Variants in UGT1A6 observed in about 807,000 individuals in gnomAD.
UGT1A6 encodes UDP-glucuronosyltransferase 1A6.
A neutral mutation model predicts 44.4 loss-of-function variants in UGT1A6; 32 were observed. That is an observed-to-expected ratio of 0.72 (90% CI 0.54 to 0.97). The LOEUF (loss-of-function observed/expected upper bound fraction) is 0.97. Ranked by LOEUF, UGT1A6 falls within the 50% of genes least tolerant of loss-of-function variation. The pLI is 0.00. For synonymous variants in UGT1A6, 238 were observed against 248.5 expected (o/e 0.96, Z 0.40); for missense variants, 685 against 661.9 (o/e 1.03, Z -0.38).
intron 1 of UGT1A6, chr2:233,742,641 A>G (rs1692051746): frequency 1.3e-5 from 2 of 152,170 alleles, no homozygotes. Flanking sequence ...GTCCTAGTAT[A>G]CCACCGACCA....
In UGT1A6 at chr2:233,768,412, C is replaced by T. The variant is rs756044146; in HGVS notation, c.1274C>T (p.Ala425Val). The change falls in exon 4 of 5, where the codon GCT becomes GTT. Residue 425 changes from alanine to valine, a missense_variant. By Grantham distance (64) the Ala-to-Val change is moderately conservative. Transcript: ENST00000305139. The stretch of plus-strand genomic sequence containing the variant: ...ATGACTTCTGAAGATTTAGAAAATG[C>T]TCTAAAAGCAGTCATCAATGACAAA... ...LEMTSEDLEN[A>V]LKAVINDKSY... 8.1e-6 allele frequency: 13 copies of T among 1,614,062 alleles called. No homozygotes were observed. Among genetic ancestry groups the T allele is most frequent in the Non-Finnish European group, 1.1e-5 (13 of 1,180,014 alleles).
chr2:233,758,803 T>C (rs554075465), intron 1 of UGT1A6, among the ~76,000 whole-genome samples: 1 of 152,342 alleles, frequency 6.6e-6, no homozygotes, highest in Admixed American at 6.5e-5. Context: ...TGGAATTGTA[T>C]AGTACAGCAG....
intron 1 of UGT1A6, chr2:233,730,107 G>T: frequency 1.3e-6 from 2 of 1,570,872 alleles, no homozygotes; most frequent in Non-Finnish European, 1.7e-6. Flanking sequence ...TTTCATTTCT[G>T]CTTCTCCTTG....
Position 233,714,266 on chromosome 2 carries a change from G to T in UGT1A6, c.861+20401G>T, listed in dbSNP as rs374255632. On this transcript the variant is annotated intron_variant, in intron 1 of 4. Transcript: ENST00000305139. Reference sequence around the variant, plus strand: ...GAGGAAGGAATAGAAATTTACAATTGTTGACGTGACAATTTTTAGTGGTCC... The same window carrying T: ...GAGGAAGGAATAGAAATTTACAATTTTTGACGTGACAATTTTTAGTGGTCC... Among the ~76,000 whole-genome samples the T allele has an allele frequency of 7.9e-5, 12 of 152,326 alleles. No homozygotes were observed. In the East Asian group the frequency reaches 2.3e-3, roughly 29 times the overall value.
At chr2:233,757,778 T>A (rs1328848691) in intron 1 of UGT1A6, among the ~76,000 whole-genome samples, 1 of 151,774 alleles carries the variant, frequency 6.6e-6, no homozygotes, top group African/African-American at 2.4e-5. Flanking sequence ...AATAAGCCTG[T>A]CATTCTGATT....
rs45531144 is a variant in UGT1A6 at position 233,694,707 on chromosome 2, C to T, written c.861+842C>T. 5.7e-3 allele frequency among the ~76,000 whole-genome samples: 869 copies of T among 152,246 alleles called. 43 individuals are homozygous for T. In the East Asian group the frequency reaches 0.11, roughly 19 times the overall value. ...CAAAGACCCTTACCTCTCTTCTTTA[C>T]ACCTGCTGATTTCTCTGTTAACAAT... On this transcript the variant is annotated intron_variant, in intron 1 of 4. Coordinates refer to ENST00000305139, the MANE Select transcript of UGT1A6 (RefSeq NM_001072.4).
rs1285354199 is a variant in UGT1A6 at position 233,768,247 on chromosome 2, C to T, written c.1109C>T (p.Thr370Ile). The part of the protein sequence containing the change: ...LGHPMTRAFI[T>I]HAGSHGVYES... ...CACCCGATGACCCGTGCCTTTATCA[C>T]CCATGCTGGTTCCCATGGTGTTTAT... Residue 370 changes from threonine to isoleucine, a missense_variant, in exon 4 of 5, where the codon ACC (threonine) becomes ATC (isoleucine). By Grantham distance (89) the Thr-to-Ile change is moderately conservative (BLOSUM62 -1). Coordinates refer to ENST00000305139, the MANE Select transcript of UGT1A6 (RefSeq NM_001072.4). 4 of 1,614,056 alleles carry T rather than the reference C, an allele frequency of 2.5e-6. No individual in the cohort carries two copies. Among genetic ancestry groups the T allele is most frequent in the Non-Finnish European group, 3.4e-6 (4 of 1,180,046 alleles).
intron 1 of UGT1A6, among the ~76,000 whole-genome samples, chr2:233,757,561 T>C (rs1218840720): frequency 8.3e-6 from 1 of 121,180 alleles, no homozygotes; most frequent in Non-Finnish European, 1.7e-5. Context: ...TATATATATA[T>C]GTATATATGA....
chr2:233,697,616 G>A (rs1238627433), intron 1 of UGT1A6, among the ~76,000 whole-genome samples: 1 of 149,658 alleles, frequency 6.7e-6, no homozygotes, highest in African/African-American at 2.5e-5. Context: ...TACAAAGTTT[G>A]AGTTTGGTTT....
intron 1 of UGT1A6, chr2:233,743,973 G>C (rs1575662575): frequency 7.6e-7 from 1 of 1,312,160 alleles, no homozygotes; most frequent in East Asian, 4.7e-5. Flanking sequence ...AAGGCTGCCA[G>C]CACCCAGGCG....
chr2:233,743,440 G>C (rs192671736), intron 1 of UGT1A6: 1 of 1,361,822 alleles, frequency 7.3e-7, no homozygotes, highest in South Asian at 1.1e-5. Context: ...ACGAAATCCT[G>C]TATCAAAAGA....
At chr2:233,721,019 A>AAT (rs1377693832) in intron 1 of UGT1A6, among the ~76,000 whole-genome samples, 6 of 152,098 alleles carry the variant, frequency 3.9e-5, no homozygotes, top group Non-Finnish European at 8.8e-5. Context: ...TGAGGGAGCC[A>AAT]TCTTTCTTGT....
At chr2:233,693,955 G>A (rs2075191265) in intron 1 of UGT1A6, 90 bp downstream of exon 1, 1 of 1,586,932 alleles carries the variant, frequency 6.3e-7, no homozygotes, top group Admixed American at 1.8e-5. Flanking sequence ...ACTGTCCCTT[G>A]GAGGATTTCC....
chr2:233,752,292 T>A (rs1364554395), intron 1 of UGT1A6: 1 of 152,220 alleles, frequency 6.6e-6, no homozygotes, highest in Non-Finnish European at 1.5e-5. Flanking sequence ...CACAGGGTCA[T>A]GCCTTTCCTT....
At chr2:233,712,069 T>A (rs1263403804) in intron 1 of UGT1A6, among the ~76,000 whole-genome samples, 1 of 152,192 alleles carries the variant, frequency 6.6e-6, no homozygotes, top group Non-Finnish European at 1.5e-5. Flanking sequence ...ATCTTCAGGA[T>A]GAAATAAAGG....
At chr2:233,715,670 G>T (rs1428393419) in intron 1 of UGT1A6, among the ~76,000 whole-genome samples, 3 of 152,106 alleles carry the variant, frequency 2.0e-5, no homozygotes, top group Non-Finnish European at 4.4e-5. Context: ...TACTCGGGAG[G>T]CTGAGGCAGG....
intron 1 of UGT1A6, among the ~76,000 whole-genome samples, chr2:233,720,871 A>ATTTTTTT (rs60621337): frequency 2.3e-5 from 3 of 132,772 alleles, no homozygotes; most frequent in Admixed American, 7.5e-5. Context: ...GCTCCTGGCA[A>ATTTTTTT]TTTTTTTTTT....
At chr2:233,758,342 G>C (rs956728370) in intron 1 of UGT1A6, among the ~76,000 whole-genome samples, 1 of 152,206 alleles carries the variant, frequency 6.6e-6, no homozygotes, top group African/African-American at 2.4e-5. Flanking sequence ...TGGAAGCTCT[G>C]CATGATGCAG....
At chr2:233,719,812 C>T (rs2125672172) in intron 1 of UGT1A6, 1 of 1,587,558 alleles carries the variant, frequency 6.3e-7, no homozygotes, top group South Asian at 1.1e-5. Flanking sequence ...TTCTTTATAA[C>T]AGATAAACTG....
Sources: allele counts gnomAD v4.1 joint callset (sites outside exome capture counted in the v4.1 genomes callset), GRCh38; gene constraint gnomAD v4.1.1; transcripts MANE v1.5; gene names NCBI Gene and HGNC (gene_info 2026-07-23, HGNC 2026-07-21).